ADARB2: variants seen among roughly 807,000 people sequenced by gnomAD.
ADARB2 encodes inactive double-stranded RNA-specific editase B2.
Under a neutral mutation model 62.2 loss-of-function variants are expected in ADARB2, and 25 were observed. The observed-to-expected ratio is 0.40, with a 90% CI of 0.29 to 0.56. ADARB2 has a LOEUF of 0.56. Ranked by LOEUF, ADARB2 falls within the 20% of genes least tolerant of loss-of-function variation. The pLI is 0.43. For synonymous variants in ADARB2, 572 were observed against 500.8 expected (o/e 1.14, Z -1.90); for missense variants, 1,071 against 1,077.4 (o/e 0.99, Z 0.08).
chr10:1,206,860 G>A (rs1360143785), intron 7 of ADARB2, among the ~76,000 whole-genome samples: 2 of 152,142 alleles, frequency 1.3e-5, no homozygotes, highest in Non-Finnish European at 2.9e-5. Context: ...ACCCTCTGCC[G>A]TCTCCACAGC....
At chr10:1,254,153 G>A (rs1831060408) in intron 4 of ADARB2, among the ~76,000 whole-genome samples, 1 of 151,654 alleles carries the variant, frequency 6.6e-6, no homozygotes, top group Non-Finnish European at 1.5e-5. Context: ...AGAATGCAGT[G>A]GGCTCTGTGG....
chr10:1,574,874 T>A (rs1832988914), intron 1 of ADARB2, among the ~76,000 whole-genome samples: 1 of 152,168 alleles, frequency 6.6e-6, no homozygotes, highest in Admixed American at 6.5e-5. Context: ...GGGGCTATGT[T>A]GGCAGAGTGG....
At chr10:1,286,759 G>A (rs1392157114) in intron 3 of ADARB2, among the ~76,000 whole-genome samples, 3 of 152,164 alleles carry the variant, frequency 2.0e-5, no homozygotes, top group African/African-American at 4.8e-5. Context: ...ATGTACGCCT[G>A]CAGCATCCTG....
chr10:1,723,791 C>T (rs940608559), intron 1 of ADARB2, among the ~76,000 whole-genome samples: 1 of 152,148 alleles, frequency 6.6e-6, no homozygotes, highest in African/African-American at 2.4e-5. Context: ...CACCACGTGG[C>T]AAAGACATCA....
At chr10:1,348,797 G>A (rs978189318) in intron 3 of ADARB2, among the ~76,000 whole-genome samples, 12 of 152,210 alleles carry the variant, frequency 7.9e-5, no homozygotes, top group Non-Finnish European at 1.8e-4. Context: ...TGGGAGCTGA[G>A]TGCCCATGCA....
At chr10:1,598,099 TA>T (rs1193283881) in intron 1 of ADARB2, among the ~76,000 whole-genome samples, 1 of 152,180 alleles carries the variant, frequency 6.6e-6, no homozygotes. Context: ...AGTGGAAAAG[TA>T]GACACTGGAG....
intron 8 of ADARB2, among the ~76,000 whole-genome samples, chr10:1,186,745 C>G (rs1393407132): frequency 2.0e-5 from 3 of 152,236 alleles, no homozygotes; most frequent in African/African-American, 4.8e-5. Flanking sequence ...AGTGCCTGCT[C>G]AGGTCCCTGG....
At chr10:1,203,971 C>T (rs1296031536) in intron 7 of ADARB2, among the ~76,000 whole-genome samples, 2 of 152,166 alleles carry the variant, frequency 1.3e-5, no homozygotes, top group East Asian at 3.8e-4. Flanking sequence ...CTCCAGGTGG[C>T]TCTGAGGCTG....
At chr10:1,559,694 G>A (rs142350766) in intron 1 of ADARB2, among the ~76,000 whole-genome samples, 4 of 152,330 alleles carry the variant, frequency 2.6e-5, no homozygotes, top group African/African-American at 4.8e-5. Flanking sequence ...CTCGCTTAGC[G>A]ACTCCACAGT....
intron 7 of ADARB2, among the ~76,000 whole-genome samples, chr10:1,201,025 T>G (rs1212875472): frequency 6.6e-6 from 1 of 152,218 alleles, no homozygotes. Flanking sequence ...TAACACAGGA[T>G]TCTTTCCATT....
At chr10:1,526,088 G>A (rs1278146181) in intron 1 of ADARB2, among the ~76,000 whole-genome samples, 1 of 152,218 alleles carries the variant, frequency 6.6e-6, no homozygotes, top group Non-Finnish European at 1.5e-5. Flanking sequence ...GACAGGGCAT[G>A]TCCTAGGTAG....
At chr10:1,317,754 G>GGT (rs1554753966) in intron 3 of ADARB2, among the ~76,000 whole-genome samples, 1 of 146,920 alleles carries the variant, frequency 6.8e-6, no homozygotes, top group Non-Finnish European at 1.5e-5. Flanking sequence ...GGTAGGCCTG[G>GGT]GGGGGGGTGG....
chr10:1,457,137 T>G (rs1409185549), intron 1 of ADARB2, among the ~76,000 whole-genome samples: 1 of 152,182 alleles, frequency 6.6e-6, no homozygotes, highest in Non-Finnish European at 1.5e-5. Flanking sequence ...AATGATACAT[T>G]TTGCCTGAAC....
chr10:1,284,987 T>C (rs2804101), intron 3 of ADARB2, among the ~76,000 whole-genome samples: 85,106 of 151,862 alleles, frequency 0.56, 24,169 homozygotes, highest in South Asian at 0.77. Context: ...GACAGGTGAG[T>C]GGCTGGGGAG....
At chr10:1,638,775 GAC>G (rs777321541) in intron 1 of ADARB2, among the ~76,000 whole-genome samples, 1 of 152,216 alleles carries the variant, frequency 6.6e-6, no homozygotes, top group Non-Finnish European at 1.5e-5. Context: ...TCTGCGAGAT[GAC>G]ACAGCTGGAC....
At chr10:1,394,450 C>T (rs1323090858) in intron 1 of ADARB2, among the ~76,000 whole-genome samples, 1 of 152,208 alleles carries the variant, frequency 6.6e-6, no homozygotes, top group African/African-American at 2.4e-5. Context: ...ACAGCCTGCT[C>T]CTGCTGCTTC....
intron 1 of ADARB2, among the ~76,000 whole-genome samples, chr10:1,610,903 CACAG>C (rs1833562360): frequency 6.6e-6 from 1 of 152,178 alleles, no homozygotes; most frequent in African/African-American, 2.4e-5. Flanking sequence ...AATGCACACA[CACAG>C]ACTCACACAC....
At chr10:1,659,195 C>T (rs1206556495) in intron 1 of ADARB2, among the ~76,000 whole-genome samples, 1 of 152,214 alleles carries the variant, frequency 6.6e-6, no homozygotes, top group East Asian at 1.9e-4. Context: ...GTTAATTTAT[C>T]AGCGGCAGTA....
chr10:1,696,437 A>G (rs755070527), intron 1 of ADARB2, among the ~76,000 whole-genome samples: 1 of 152,206 alleles, frequency 6.6e-6, no homozygotes. Flanking sequence ...GAAATTATAT[A>G]TGATTTCTCC....
Sources: gnomAD v4.1 joint callset for allele counts (sites outside exome capture counted in the v4.1 genomes callset) on GRCh38, gnomAD v4.1.1 for gene constraint, MANE v1.5 for transcripts, NCBI Gene and HGNC (gene_info 2026-07-23, HGNC 2026-07-21) for gene names.